SERPINE3: variants seen among roughly 807,000 people sequenced by gnomAD.
SERPINE3 encodes the protein serpin E3.
A neutral mutation model predicts 41.7 loss-of-function variants in SERPINE3; 43 were observed. The observed-to-expected ratio is 1.03, with a 90% CI of 0.81 to 1.33. The LOEUF is 1.33. Ranked by LOEUF, SERPINE3 falls within the 40% of genes most tolerant of loss-of-function variation. The pLI, the probability that SERPINE3 is intolerant of heterozygous loss-of-function variation, is 0.00. For missense variants in SERPINE3, 440 were observed against 491.7 expected (o/e 0.89, Z 0.99); for synonymous variants, 200 against 192.2 (o/e 1.04, Z -0.34).
chr13:51,364,205 C>T (rs1341756107), intron 9 of SERPINE3, 34 bp from the exon 10 acceptor site: 1 of 1,120,118 alleles, frequency 8.9e-7, no homozygotes, highest in Non-Finnish European at 1.3e-6. Flanking sequence ...TATGAAAATA[C>T]TATATAATAT....
chr13:51,345,981 G>A (rs1166300279), intron 4 of SERPINE3, among the ~76,000 whole-genome samples: 1 of 152,200 alleles, frequency 6.6e-6, no homozygotes, highest in African/African-American at 2.4e-5. Flanking sequence ...ATTGCATTGG[G>A]TAACTGGGTG....
chr13:51,348,848 G>GTCCCCCCATGACCC (rs1439076333), intron 6 of SERPINE3, among the ~76,000 whole-genome samples: 7 of 150,408 alleles, frequency 4.7e-5, no homozygotes, highest in Non-Finnish European at 7.4e-5. Context: ...ACGTAATTGA[G>GTCCCCCCATGACCC]CAAGTACAGA....
chr13:51,344,704 G>GCACA lies in SERPINE3; in HGVS notation c.490+233_490+236dup, dbSNP rs147836230. On this transcript the variant is annotated intron_variant, in intron 4 of 9. Transcript: ENST00000681248. ...CTCTCCCACACAAATATACACATGGGCACACACACACACACACGAGCCACA... is the reference window on the plus strand; with the variant it reads ...CTCTCCCACACAAATATACACATGGGCACACACACACACACACACACGAGCCACA... 2.7e-5 allele frequency among the ~76,000 whole-genome samples: 4 copies of GCACA among 150,462 alleles called. No individual in the cohort carries two copies. The East Asian group carries it at 5.9e-4, about 22-fold the overall frequency.
At chr13:51,351,742 G>A (rs1256286084) in intron 6 of SERPINE3, among the ~76,000 whole-genome samples, 1 of 151,680 alleles carries the variant, frequency 6.6e-6, no homozygotes, top group Non-Finnish European at 1.5e-5. Flanking sequence ...TTAGGTGTAT[G>A]TTTTTTTTCC....
At chr13:51,348,688 C>A (rs974910218) in intron 6 of SERPINE3, 5 of 411,694 alleles carry the variant, frequency 1.2e-5, no homozygotes, top group Admixed American at 4.0e-5. Flanking sequence ...GGAATGGAGC[C>A]CCCCAGGACC....
chr13:51,352,347 T>A (rs567686410), intron 6 of SERPINE3, among the ~76,000 whole-genome samples: 1 of 152,136 alleles, frequency 6.6e-6, no homozygotes, highest in African/African-American at 2.4e-5. Flanking sequence ...TTATTCTAAG[T>A]ATTTTACTCC....
chr13:51,361,985 G>C (rs561201135), intron 9 of SERPINE3, 92 bp downstream of exon 9: 58 of 1,610,428 alleles, frequency 3.6e-5, no homozygotes, highest in Non-Finnish European at 4.3e-5. Flanking sequence ...TCAAAAATAA[G>C]CATTCTTTCT....
At chr13:51,350,534 A>G (rs1955394152) in intron 6 of SERPINE3, among the ~76,000 whole-genome samples, 3 of 152,212 alleles carry the variant, frequency 2.0e-5, no homozygotes, top group Non-Finnish European at 4.4e-5. Flanking sequence ...AAAATCCACC[A>G]GATCCCACAT....
chr13:51,362,774 T>C (rs1955607910), intron 9 of SERPINE3: 1 of 152,456 alleles, frequency 6.6e-6, no homozygotes, highest in South Asian at 2.1e-4. Flanking sequence ...GTCAACATCA[T>C]TTTATCTGAG....
rs1955354041 is a variant in SERPINE3, at chr13:51,347,017, G to C, written c.491-8G>C. Reference sequence around the variant, plus strand: ...TAACCCATGGCCACCTTGCTTTCCTGCTTGCAGGTGGGGGCCCCAGTGAGG... The same window carrying C: ...TAACCCATGGCCACCTTGCTTTCCTCCTTGCAGGTGGGGGCCCCAGTGAGG... On this transcript the variant is annotated splice_polypyrimidine_tract_variant and splice_region_variant and intron_variant, in intron 4 of 9. Transcript: ENST00000681248. 2.6e-6 allele frequency: 4 copies of C among 1,566,978 alleles called. No homozygotes were observed. The highest frequency in any genetic ancestry group is 3.5e-6 in the Non-Finnish European group (4 of 1,154,820).
chr13:51,342,873 C>T (rs1955308170), intron 3 of SERPINE3, among the ~76,000 whole-genome samples: 1 of 152,192 alleles, frequency 6.6e-6, no homozygotes, highest in African/African-American at 2.4e-5. Context: ...TTACTACACT[C>T]AAATGCAAGC....
chr13:51,353,381 A>T (rs1273891921), intron 6 of SERPINE3, among the ~76,000 whole-genome samples: 1 of 152,222 alleles, frequency 6.6e-6, no homozygotes, highest in Non-Finnish European at 1.5e-5. Context: ...ACAAGGATTC[A>T]TTCATTTAAT....
chr13:51,350,350 C>G (rs931429834), intron 6 of SERPINE3, among the ~76,000 whole-genome samples: 1 of 152,074 alleles, frequency 6.6e-6, no homozygotes. Context: ...AAGGAATAAT[C>G]AAGAAAACCA....
chr13:51,361,915 G>T, intron 9 of SERPINE3, 22 bp downstream of exon 9: 1 of 1,611,654 alleles, frequency 6.2e-7, no homozygotes, highest in Non-Finnish European at 8.5e-7. Context: ...TTTTTTGACA[G>T]GATTCAGATA....
Position 51,361,808 on chromosome 13 carries a change from A to C in SERPINE3, c.1088-2A>C. On this transcript the variant is annotated splice_acceptor_variant, in intron 8 of 9. Transcript: ENST00000681248. LOFTEE classifies it high-confidence loss of function. Reference sequence around the variant, plus strand: ...AATGGAATTTTTCTTTCTTTCCTGCAGCTCTGTTGTTATTGAAAAGGTCTC... The same window carrying C: ...AATGGAATTTTTCTTTCTTTCCTGCCGCTCTGTTGTTATTGAAAAGGTCTC... 1 of 1,583,350 alleles carries C rather than the reference A, an allele frequency of 6.3e-7. No individual in the cohort carries two copies. The highest frequency in any genetic ancestry group is 1.2e-5 in the South Asian group (1 of 85,190).
rs764715360 is a variant in SERPINE3, at chr13:51,341,271, C to A, written c.180C>A (p.Pro60=). Residue 60 remains proline, a synonymous_variant, in exon 3 of 10, where the codon CCC becomes CCA. Coordinates refer to ENST00000681248, the MANE Select transcript of SERPINE3 (RefSeq NM_001386375.1). ...TCTCTCCTGCTGGTGTGTCCCTCCC[C>A]CTGGAGATCCTGCAGTTTGGAGCAG... The part of the protein sequence containing the change: ...FVISPAGVSL[P]LEILQFGAEG... 2 of 1,613,962 alleles carry A rather than the reference C, an allele frequency of 1.2e-6. No homozygotes were observed. The highest frequency in any genetic ancestry group is 8.5e-7 in the Non-Finnish European group (1 of 1,179,860).
At chr13:51,342,345 C>T (rs1593635687) in intron 3 of SERPINE3, among the ~76,000 whole-genome samples, 1 of 152,116 alleles carries the variant, frequency 6.6e-6, no homozygotes, top group African/African-American at 2.4e-5. Flanking sequence ...ACACTGAGCA[C>T]CTTTGTTAAT....
At chr13:51,350,564 C>CT (rs1167584845) in intron 6 of SERPINE3, among the ~76,000 whole-genome samples, 2 of 152,126 alleles carry the variant, frequency 1.3e-5, no homozygotes, top group African/African-American at 4.8e-5. Context: ...GAGTTTTGCC[C>CT]TTCCTCCCAG....
At chr13:51,352,027 T>A (rs77328584) in intron 6 of SERPINE3, among the ~76,000 whole-genome samples, 5,219 of 152,206 alleles carry the variant, frequency 0.034, 115 homozygotes, top group Middle Eastern at 0.065. Context: ...TACCACACAG[T>A]CTTCATTACT....
Sources: allele counts gnomAD v4.1 joint callset (sites outside exome capture counted in the v4.1 genomes callset), GRCh38; gene constraint gnomAD v4.1.1; transcripts MANE v1.5; gene names NCBI Gene and HGNC (gene_info 2026-07-23, HGNC 2026-07-21).